Variants in NRG1 observed in about 807,000 individuals in gnomAD.
The protein encoded by NRG1 is pro-neuregulin-1, membrane-bound isoform.
In NRG1, 18 loss-of-function variants were observed where a neutral mutation model predicts 63.8. The observed-to-expected ratio is 0.28, with a 90% CI of 0.19 to 0.42. NRG1 has a LOEUF of 0.42. NRG1 is among the 10% of genes least tolerant of loss of function. The probability of loss-of-function intolerance (pLI) is 1.00; values close to 1 mark genes in which losing one functional copy is unlikely to be tolerated. For missense variants in NRG1, 762 were observed against 814.7 expected (o/e 0.94, Z 0.79); for synonymous variants, 302 against 301.3 (o/e 1.00, Z -0.02).
intron 1 of NRG1, among the ~76,000 whole-genome samples, chr8:31,657,016 A>AT (rs929072569): frequency 1.9e-4 from 29 of 152,312 alleles, no homozygotes; most frequent in African/African-American, 5.8e-4. Context: ...CAAAGTTATT[A>AT]TTCTGATAGT....
intron 1 of NRG1, among the ~76,000 whole-genome samples, chr8:32,319,491 A>G (rs1271353558): frequency 1.3e-5 from 2 of 152,148 alleles, no homozygotes; most frequent in East Asian, 3.9e-4. Context: ...CTAGCAGGAA[A>G]AGAGTCTTCT....
intron 1 of NRG1, among the ~76,000 whole-genome samples, chr8:32,246,927 G>A (rs1391222511): frequency 6.6e-6 from 1 of 151,974 alleles, no homozygotes; most frequent in Admixed American, 6.6e-5. Context: ...ATAATAAAGT[G>A]TTGTACATTT....
chr8:32,106,985 G>A (rs966722705), intron 1 of NRG1, among the ~76,000 whole-genome samples: 10 of 152,098 alleles, frequency 6.6e-5, no homozygotes, highest in East Asian at 1.9e-4. Context: ...TACTTTGCCC[G>A]AGATGGGCAG....
At chr8:31,830,498 A>G (rs1244219114) in intron 1 of NRG1, among the ~76,000 whole-genome samples, 1 of 152,126 alleles carries the variant, frequency 6.6e-6, no homozygotes, top group African/African-American at 2.4e-5. Flanking sequence ...GAAATATCAT[A>G]TTAAACTAAC....
chr8:32,407,754 A>G (rs866150147), intron 1 of NRG1, among the ~76,000 whole-genome samples: 1 of 152,314 alleles, frequency 6.6e-6, no homozygotes, highest in South Asian at 2.1e-4. Flanking sequence ...CCTTGACAAC[A>G]ACTATGAAGT....
At chr8:32,718,921 C>T (rs1819941333) in intron 5 of NRG1, among the ~76,000 whole-genome samples, 1 of 152,140 alleles carries the variant, frequency 6.6e-6, no homozygotes, top group African/African-American at 2.4e-5. Context: ...ATGGTTACTA[C>T]TGGTATCCAA....
chr8:31,722,887 G>C lies in NRG1; in HGVS notation c.37+83456G>C, dbSNP rs117277695. 3.9e-3 allele frequency among the ~76,000 whole-genome samples: 588 copies of C among 152,256 alleles called. 2 individuals carry two copies. Among genetic ancestry groups the C allele is most frequent in the South Asian group, 0.019 (92 of 4,826 alleles). ...TTAATGTGATGCTGCTAAGCCCTCT[G>C]TAGGGTGATTGATCAGCTTAAATGT... On this transcript the variant is annotated intron_variant, in intron 1 of 10. Transcript: ENST00000519301.
chr8:31,684,206 T>TG (rs1259842005), intron 1 of NRG1, among the ~76,000 whole-genome samples: 1 of 152,200 alleles, frequency 6.6e-6, no homozygotes, highest in Non-Finnish European at 1.5e-5. Flanking sequence ...TGAATGTTTG[T>TG]GTTCCCTACA....
chr8:32,625,774 CTT>C (rs67043970), intron 5 of NRG1, among the ~76,000 whole-genome samples: 12 of 128,672 alleles, frequency 9.3e-5, no homozygotes, highest in East Asian at 4.4e-4. Flanking sequence ...CTTTCCCTCT[CTT>C]TTTTTTTTTT....
At chr8:32,455,022 C>T (rs371416225) in intron 1 of NRG1, among the ~76,000 whole-genome samples, 2 of 152,224 alleles carry the variant, frequency 1.3e-5, no homozygotes, top group Non-Finnish European at 2.9e-5. Context: ...AGCCTAGGAA[C>T]GATAGGTTAT....
chr8:32,284,200 C>G (rs991998780), intron 1 of NRG1, among the ~76,000 whole-genome samples: 1 of 152,106 alleles, frequency 6.6e-6, no homozygotes, highest in Middle Eastern at 3.2e-3. Flanking sequence ...AGAGAGAATA[C>G]CCCACCTTTT....
chr8:32,006,721 C>T (rs371637254), intron 1 of NRG1, among the ~76,000 whole-genome samples: 8 of 151,956 alleles, frequency 5.3e-5, no homozygotes, highest in African/African-American at 1.9e-4. Flanking sequence ...GACCTAGAGC[C>T]ACAAAGAACT....
At chr8:31,832,249 G>GTTTTTTTT (rs5890599) in intron 1 of NRG1, among the ~76,000 whole-genome samples, 2 of 136,142 alleles carry the variant, frequency 1.5e-5, no homozygotes. Flanking sequence ...AAATGCTCTA[G>GTTTTTTTT]TTTTTTTTTT....
At chr8:32,049,089 C>T (rs764195431) in intron 1 of NRG1, among the ~76,000 whole-genome samples, 8 of 152,042 alleles carry the variant, frequency 5.3e-5, no homozygotes, top group Non-Finnish European at 1.0e-4. Flanking sequence ...AGGAGCTTCT[C>T]CTCCACTAAT....
At chr8:31,796,359 G>A (rs900894571) in intron 1 of NRG1, among the ~76,000 whole-genome samples, 44 of 148,484 alleles carry the variant, frequency 3.0e-4, no homozygotes, top group African/African-American at 9.3e-4. Flanking sequence ...ACAAAGCGGC[G>A]GGGAGTTTTT....
chr8:32,219,092 TA>T (rs1313706889), intron 1 of NRG1, among the ~76,000 whole-genome samples: 2 of 152,218 alleles, frequency 1.3e-5, no homozygotes, highest in African/African-American at 4.8e-5. Context: ...AAAAATCTAT[TA>T]AAATTTTATT....
chr8:31,752,801 A>T (rs1816616900), intron 1 of NRG1, among the ~76,000 whole-genome samples: 1 of 152,024 alleles, frequency 6.6e-6, no homozygotes, highest in South Asian at 2.1e-4. Flanking sequence ...AGGAAATGGT[A>T]ATTTTTGTTT....
intron 1 of NRG1, among the ~76,000 whole-genome samples, chr8:32,259,598 G>A (rs1850134843): frequency 6.6e-6 from 1 of 152,068 alleles, no homozygotes; most frequent in Admixed American, 6.6e-5. Context: ...AAGACATAAA[G>A]GAAGACACAT....
intron 5 of NRG1, among the ~76,000 whole-genome samples, chr8:32,673,346 C>G (rs1290620067): frequency 2.0e-5 from 3 of 152,140 alleles, no homozygotes; most frequent in African/African-American, 7.2e-5. Flanking sequence ...TAAAGCACCT[C>G]TAAGTGTAGA....
Sources: gnomAD v4.1 joint callset for allele counts (sites outside exome capture counted in the v4.1 genomes callset) on GRCh38, gnomAD v4.1.1 for gene constraint, MANE v1.5 for transcripts, NCBI Gene and HGNC (gene_info 2026-07-23, HGNC 2026-07-21) for gene names.